The following ELMO1 variants were observed in gnomAD, a reference collection of about 807,000 sequenced individuals.
The protein encoded by ELMO1 is engulfment and cell motility protein 1.
ELMO1 carries 26 observed loss-of-function variants against 98.9 expected under a neutral mutation model. The observed-to-expected ratio is 0.26, with a 90% CI of 0.19 to 0.36. ELMO1 has a LOEUF of 0.36. ELMO1 is among the 10% of genes least tolerant of loss of function. The pLI is 1.00. For missense variants in ELMO1, 627 were observed against 935.2 expected (o/e 0.67, Z 4.30); for synonymous variants, 346 against 346.0 (o/e 1.00, Z 0.00).
At chr7:36,861,883 G>T in intron 20 of ELMO1, 147 bp from the exon 21 acceptor site, 1 of 717,762 alleles carries the variant, frequency 1.4e-6, no homozygotes, top group Non-Finnish European at 2.5e-6. Context: ...GAGGAACCAT[G>T]CTCTTCAAGG....
At chr7:37,154,518 T>C (rs1788591481) in intron 13 of ELMO1, among the ~76,000 whole-genome samples, 1 of 152,122 alleles carries the variant, frequency 6.6e-6, no homozygotes. Flanking sequence ...GCGTGAAGCA[T>C]ACACAAGCTT....
intron 16 of ELMO1, among the ~76,000 whole-genome samples, chr7:36,931,812 T>A (rs1343180389): frequency 1.3e-5 from 2 of 152,190 alleles, no homozygotes; most frequent in African/African-American, 4.8e-5. Flanking sequence ...AGATACATCC[T>A]CCACGAAAGG....
chr7:37,077,748 A>G (rs1797659810), intron 15 of ELMO1, among the ~76,000 whole-genome samples: 1 of 152,132 alleles, frequency 6.6e-6, no homozygotes, highest in African/African-American at 2.4e-5. Context: ...TGGTGACCCC[A>G]GGGGTCAGGA....
intron 4 of ELMO1, among the ~76,000 whole-genome samples, chr7:37,298,438 T>C (rs1798170778): frequency 8.0e-6 from 1 of 125,264 alleles, no homozygotes. Context: ...TATCTCCCAA[T>C]GCTATCCCTC....
chr7:37,031,646 T>C (rs1794889639), intron 15 of ELMO1, among the ~76,000 whole-genome samples: 1 of 152,144 alleles, frequency 6.6e-6, no homozygotes, highest in South Asian at 2.1e-4. Context: ...CTTTTTTGTC[T>C]CCTTGTGGAA....
chr7:37,158,645 C>G (rs934208529), intron 13 of ELMO1, among the ~76,000 whole-genome samples: 28 of 152,124 alleles, frequency 1.8e-4, no homozygotes, highest in Non-Finnish European at 3.8e-4. Flanking sequence ...ATTAAAAAGT[C>G]AGGAAACAAC....
intron 4 of ELMO1, among the ~76,000 whole-genome samples, chr7:37,311,771 G>A (rs144620336): frequency 6.6e-6 from 1 of 152,288 alleles, no homozygotes; most frequent in East Asian, 1.9e-4. Flanking sequence ...TAGGGAAGAT[G>A]AGTCTTCTCA....
intron 16 of ELMO1, among the ~76,000 whole-genome samples, chr7:36,948,223 T>C (rs1239399365): frequency 1.3e-5 from 2 of 151,918 alleles, no homozygotes; most frequent in South Asian, 4.2e-4. Flanking sequence ...TTTAGAGGGG[T>C]AGACAATGGG....
At position 37,275,969 on chromosome 7, in the gene ELMO1, A is replaced by G. The variant is rs144045766; in HGVS notation, c.193-4087T>C. On this transcript the variant is annotated intron_variant, in intron 4 of 21. Coordinates refer to ENST00000310758, the MANE Select transcript of ELMO1 (RefSeq NM_014800.11). The stretch of plus-strand genomic sequence containing the variant: ...ACTTGGGATGTAAACTTCATTAAGA[A>G]AGAAAGAGGCTTGTCATTGTTCTGA... Among the ~76,000 whole-genome samples the G allele has an allele frequency of 2.4e-3, 373 of 152,326 alleles. 2 individuals carry two copies. The highest frequency in any genetic ancestry group is 8.7e-3 in the African/African-American group (362 of 41,572).
At chr7:37,279,593 G>C (rs986622544) in intron 4 of ELMO1, among the ~76,000 whole-genome samples, 4 of 152,290 alleles carry the variant, frequency 2.6e-5, no homozygotes, top group African/African-American at 7.2e-5. Flanking sequence ...GTCTCTTTGC[G>C]GGAGAAGTTT....
intron 15 of ELMO1, among the ~76,000 whole-genome samples, chr7:37,065,775 C>G (rs1038962413): frequency 3.3e-5 from 5 of 152,144 alleles, no homozygotes; most frequent in African/African-American, 1.2e-4. Flanking sequence ...AGGAACAAAA[C>G]AAGCATAGAG....
chr7:37,287,520 A>G (rs997971216), intron 4 of ELMO1, among the ~76,000 whole-genome samples: 1 of 152,220 alleles, frequency 6.6e-6, no homozygotes, highest in Non-Finnish European at 1.5e-5. Flanking sequence ...TTTAGAGATA[A>G]CTGTGATAAA....
chr7:37,435,684 A>T (rs1047460178), intron 1 of ELMO1, among the ~76,000 whole-genome samples: 7 of 152,220 alleles, frequency 4.6e-5, no homozygotes, highest in Admixed American at 1.3e-4. Context: ...ACACTTGCAC[A>T]TGCTAGAATG....
intron 16 of ELMO1, among the ~76,000 whole-genome samples, chr7:36,921,327 T>C (rs1785139692): frequency 2.6e-5 from 4 of 152,256 alleles, no homozygotes; most frequent in Non-Finnish European, 5.9e-5. Flanking sequence ...AACCTGGCTC[T>C]GCCACTTACT....
intron 15 of ELMO1, among the ~76,000 whole-genome samples, chr7:37,074,492 A>G (rs1252866343): frequency 6.6e-6 from 1 of 152,266 alleles, no homozygotes; most frequent in African/African-American, 2.4e-5. Flanking sequence ...GACATAGCTG[A>G]TGTCCAGTAG....
At chr7:36,858,772 G>A (rs539501300) in intron 21 of ELMO1, among the ~76,000 whole-genome samples, 1 of 152,134 alleles carries the variant, frequency 6.6e-6, no homozygotes, top group Non-Finnish European at 1.5e-5. Context: ...TGCAATGGAT[G>A]GAGGCCAAGG....
chr7:37,369,634 G>A (rs975831927), intron 1 of ELMO1, among the ~76,000 whole-genome samples: 1 of 141,086 alleles, frequency 7.1e-6, no homozygotes. Flanking sequence ...CAACGGGTAA[G>A]AAGGATTTCT....
At chr7:36,965,779 C>T (rs1374707161) in intron 16 of ELMO1, among the ~76,000 whole-genome samples, 1 of 152,188 alleles carries the variant, frequency 6.6e-6, no homozygotes, top group Non-Finnish European at 1.5e-5. Context: ...CACATCATTT[C>T]CTCTGCATTA....
intron 1 of ELMO1, among the ~76,000 whole-genome samples, chr7:37,349,324 C>T (rs1417684957): frequency 1.3e-5 from 2 of 152,230 alleles, no homozygotes; most frequent in East Asian, 3.8e-4. Context: ...TAGAAAAAGA[C>T]ATAGACCACA....
Sources: allele counts gnomAD v4.1 joint callset (sites outside exome capture counted in the v4.1 genomes callset), GRCh38; gene constraint gnomAD v4.1.1; transcripts MANE v1.5; gene names NCBI Gene and HGNC (gene_info 2026-07-23, HGNC 2026-07-21).